The following TESMIN variants were observed in gnomAD, a reference collection of about 807,000 sequenced individuals.
TESMIN encodes the protein CXC domain containing 2.
A neutral mutation model predicts 47.4 loss-of-function variants in TESMIN; 34 were observed. That is an observed-to-expected ratio of 0.72 (90% CI 0.55 to 0.96). The LOEUF is 0.96. Ranked by LOEUF, TESMIN falls within the 40% of genes least tolerant of loss-of-function variation. The pLI is 0.00. For synonymous variants in TESMIN, 278 were observed against 258.9 expected (o/e 1.07, Z -0.71); for missense variants, 610 against 637.2 (o/e 0.96, Z 0.46).
Position 68,708,368 on chromosome 11 carries a change from T to G in TESMIN, c.1467A>C (p.Gly489=), listed in dbSNP as rs1250157294. The G allele has an allele frequency of 6.2e-7, 1 of 1,614,014 alleles. No individual in the cohort carries two copies. ...TGTGGAGAATCTGTGATAAGCACCT[T>G]CCAAATTCCTCCAGGATCATCTGCT... The part of the protein sequence containing the change: ...LAEQMILEEF[G]RCLSQILHTE... The change falls in exon 10 of 10, where the codon GGA becomes GGC. Residue 489 remains glycine (G), a synonymous_variant. Coordinates refer to ENST00000255087, the MANE Select transcript of TESMIN (RefSeq NM_004923.3).
intron 6 of TESMIN, among the ~76,000 whole-genome samples, chr11:68,720,490 T>G (rs908780234): frequency 2.6e-5 from 4 of 152,198 alleles, no homozygotes; most frequent in Non-Finnish European, 5.9e-5. Context: ...CAGGGCTCTC[T>G]TCACTGTTCT....
At chr11:68,706,293 G>A (rs1945996629), downstream of TESMIN, among the ~76,000 whole-genome samples, 1 of 152,204 alleles carries the variant, frequency 6.6e-6, no homozygotes, top group South Asian at 2.1e-4. Flanking sequence ...TCTGCCGGAA[G>A]ACCCTGCAGG....
chr11:68,742,207 C>T (rs1006774821), intron 5 of TESMIN, 111 bp downstream of exon 5: 14 of 724,478 alleles, frequency 1.9e-5, no homozygotes, highest in African/African-American at 5.4e-5. Flanking sequence ...TTCACTTTGA[C>T]TTTTAAATGG....
intron 9 of TESMIN, among the ~76,000 whole-genome samples, chr11:68,709,558 A>G (rs1198035584): frequency 6.6e-6 from 1 of 152,258 alleles, no homozygotes; most frequent in Non-Finnish European, 1.5e-5. Flanking sequence ...TTAGCTAGAT[A>G]GCAACCCAGG....
At chr11:68,737,694 C>G in intron 6 of TESMIN, 3 of 976,988 alleles carry the variant, frequency 3.1e-6, no homozygotes, top group Non-Finnish European at 3.6e-6. Flanking sequence ...GGCGGATCAT[C>G]TGAGGTCAGT....
chr11:68,727,939 C>T (rs899800331), intron 6 of TESMIN, among the ~76,000 whole-genome samples: 1 of 152,304 alleles, frequency 6.6e-6, no homozygotes, highest in Non-Finnish European at 1.5e-5. Flanking sequence ...GTACCACGAG[C>T]CATGTCCATG....
At chr11:68,727,276 C>A (rs996391273) in intron 6 of TESMIN, among the ~76,000 whole-genome samples, 2 of 152,058 alleles carry the variant, frequency 1.3e-5, no homozygotes, top group Non-Finnish European at 2.9e-5. Context: ...ACCCATCCTA[C>A]TAAAAATACA....
intron 7 of TESMIN, among the ~76,000 whole-genome samples, chr11:68,714,647 C>T (rs1485205522): frequency 1.3e-5 from 2 of 152,222 alleles, no homozygotes; most frequent in Non-Finnish European, 2.9e-5. Context: ...TGCATCAATT[C>T]ATCCATTCTA....
At chr11:68,745,485 G>C (rs1267374628) in intron 3 of TESMIN, among the ~76,000 whole-genome samples, 2 of 152,116 alleles carry the variant, frequency 1.3e-5, no homozygotes, top group African/African-American at 2.4e-5. Flanking sequence ...GAGCAGAAGA[G>C]GGTGCTGCTC....
chr11:68,725,428 C>T (rs1946250607), intron 6 of TESMIN, among the ~76,000 whole-genome samples: 1 of 152,152 alleles, frequency 6.6e-6, no homozygotes, highest in African/African-American at 2.4e-5. Context: ...CCATTAAAGA[C>T]GCTGTCCTGG....
At chr11:68,731,904 C>T (rs1162978011) in intron 6 of TESMIN, among the ~76,000 whole-genome samples, 4 of 152,192 alleles carry the variant, frequency 2.6e-5, no homozygotes, top group Non-Finnish European at 5.9e-5. Flanking sequence ...AGCCAAATCA[C>T]AATGCATGAT....
chr11:68,714,129 A>C (rs952548971), intron 7 of TESMIN, among the ~76,000 whole-genome samples: 2 of 152,248 alleles, frequency 1.3e-5, no homozygotes, highest in Non-Finnish European at 2.9e-5. Context: ...AAAAATTCAA[A>C]TACAGAGGTC....
intron 6 of TESMIN, among the ~76,000 whole-genome samples, chr11:68,720,211 GTA>G (rs1185737433): frequency 6.6e-6 from 1 of 151,990 alleles, no homozygotes; most frequent in Admixed American, 6.6e-5. Context: ...TTTTTTCACC[GTA>G]CACTCTTTTG....
In TESMIN at chr11:68,750,601, C is replaced by T. The variant is rs372409098; in HGVS notation, c.60G>A (p.Glu20=). 1.0e-5 allele frequency: 16 copies of T among 1,601,132 alleles called. No individual in the cohort carries two copies. Among genetic ancestry groups the T allele is most frequent in the Non-Finnish European group, 1.2e-5 (14 of 1,174,118 alleles). ...CGAACGGACCCTCGGGGCTTAAGAGCTCCGTCACCATCGCATCCTCGGGGC... is the reference window on the plus strand; with the variant it reads ...CGAACGGACCCTCGGGGCTTAAGAGTTCCGTCACCATCGCATCCTCGGGGC... The part of the protein sequence containing the change: ...LPSPEDAMVT[E]LLSPEGPFAS... Residue 20 remains glutamate, a synonymous_variant, in exon 2 of 10, where the codon GAG becomes GAA. Transcript: ENST00000255087.
At chr11:68,749,630 T>C (rs777013994) in intron 2 of TESMIN, among the ~76,000 whole-genome samples, 1 of 152,148 alleles carries the variant, frequency 6.6e-6, no homozygotes, top group Non-Finnish European at 1.5e-5. Flanking sequence ...CTGATTTACA[T>C]TGCATATGCT....
At chr11:68,735,628 A>G (rs1435551360) in intron 6 of TESMIN, among the ~76,000 whole-genome samples, 7 of 152,214 alleles carry the variant, frequency 4.6e-5, no homozygotes, top group Non-Finnish European at 1.0e-4. Context: ...AGAAGAGAAT[A>G]ATCAACCAGC....
chr11:68,742,170 G>C, intron 5 of TESMIN, 148 bp downstream of exon 5: 1 of 580,780 alleles, frequency 1.7e-6, no homozygotes, highest in Non-Finnish European at 3.0e-6. Context: ...GACACAGTGG[G>C]GCAGGGACTG....
intron 6 of TESMIN, among the ~76,000 whole-genome samples, chr11:68,731,863 A>G (rs966918146): frequency 1.3e-5 from 2 of 152,190 alleles, no homozygotes; most frequent in Non-Finnish European, 2.9e-5. Flanking sequence ...ATTTCCAGAG[A>G]TAACTGGTTT....
At chr11:68,716,528 G>T (rs908892589) in intron 6 of TESMIN, among the ~76,000 whole-genome samples, 1 of 152,238 alleles carries the variant, frequency 6.6e-6, no homozygotes, top group African/African-American at 2.4e-5. Flanking sequence ...GGTTGTTCGA[G>T]AATCCTGAGT....
Sources: gnomAD v4.1 joint callset for allele counts (sites outside exome capture counted in the v4.1 genomes callset) on GRCh38, gnomAD v4.1.1 for gene constraint, MANE v1.5 for transcripts, NCBI Gene and HGNC (gene_info 2026-07-23, HGNC 2026-07-21) for gene names.